Variants in MTIF2 observed in about 807,000 individuals in gnomAD.
The protein encoded by MTIF2 is translation initiation factor IF-2, mitochondrial.
In MTIF2, 71 loss-of-function variants were observed where a neutral mutation model predicts 83.5. The observed-to-expected ratio is 0.85, with a 90% CI of 0.70 to 1.04. MTIF2 has a LOEUF of 1.04. Among genes scored for constraint, MTIF2 ranks in the 50% least tolerant of loss-of-function variants. MTIF2 has a pLI of 0.00. For synonymous variants in MTIF2, 319 were observed against 287.1 expected (o/e 1.11, Z -1.12); for missense variants, 957 against 846.5 (o/e 1.13, Z -1.62).
chr2:55,254,285 G>A (rs1677343216), intron 6 of MTIF2, 84 bp from the exon 7 acceptor site: 11 of 1,441,780 alleles, frequency 7.6e-6, no homozygotes, highest in South Asian at 2.7e-5. Context: ...TTATCCCTGT[G>A]AACTACCATT....
At position 55,243,004 on chromosome 2, in the gene MTIF2, T is replaced by G. The variant is rs764975574; in HGVS notation, c.1641A>C (p.Glu547Asp). The G allele has an allele frequency of 5.6e-6, 9 of 1,613,164 alleles. No individual in the cohort carries two copies. The highest frequency in any genetic ancestry group is 5.9e-6 in the Non-Finnish European group (7 of 1,179,510). The change falls in exon 13 of 16, where the codon GAA becomes GAC. Residue 547 changes from glutamate to aspartate, a missense_variant. Coordinates refer to ENST00000263629, the MANE Select transcript of MTIF2 (RefSeq NM_002453.3). ...TYDASHECEL[E>D]LVHFGVGDVS... Reference sequence around the variant, plus strand: ...CATCACCCACTCCAAAATGTACTAATTCTAGTTCACACTCGTGTGAAGCAT... The same window carrying G: ...CATCACCCACTCCAAAATGTACTAAGTCTAGTTCACACTCGTGTGAAGCAT...
intron 8 of MTIF2, among the ~76,000 whole-genome samples, chr2:55,250,432 AAT>A (rs1677016653): frequency 6.6e-6 from 1 of 152,184 alleles, no homozygotes; most frequent in African/African-American, 2.4e-5. Context: ...AAAAAAAAAA[AAT>A]CATGGGAAGA....
chr2:55,251,110 CAAAAAAAAAA>C (rs57949152), intron 8 of MTIF2, among the ~76,000 whole-genome samples: 1 of 71,152 alleles, frequency 1.4e-5, no homozygotes, highest in Non-Finnish European at 2.7e-5. Context: ...AACTCCGTCT[CAAAAAAAAAA>C]AAAAAAAAAA....
rs542262782 is a variant in MTIF2, at chr2:55,240,845, A to G, written c.1706-670T>C. The stretch of plus-strand genomic sequence containing the variant: ...ACCAGGGCTAAAATACTATTCCTTC[A>G]TTTTAATAACAATTACATTATTAAA... On this transcript the variant is annotated intron_variant, in intron 13 of 15. Transcript: ENST00000263629. Among the ~76,000 whole-genome samples the G allele has an allele frequency of 3.9e-5, 6 of 152,348 alleles. No homozygotes were observed. In the South Asian group the frequency reaches 1.2e-3, roughly 32 times the overall value.
chr2:55,265,786 A>C (rs951961506), intron 3 of MTIF2, among the ~76,000 whole-genome samples: 12 of 152,198 alleles, frequency 7.9e-5, no homozygotes, highest in African/African-American at 2.9e-4. Context: ...AAACATTACT[A>C]ATCAGCCCTT....
intron 8 of MTIF2, 27 bp from the exon 9 acceptor site, chr2:55,249,561 G>GA (rs1252729772): frequency 1.7e-5 from 28 of 1,609,274 alleles, no homozygotes; most frequent in Non-Finnish European, 2.2e-5. Context: ...TAAAAAGAGT[G>GA]AAAATGATGA....
At chr2:55,253,569 C>G (rs1677267488) in intron 7 of MTIF2, among the ~76,000 whole-genome samples, 1 of 152,142 alleles carries the variant, frequency 6.6e-6, no homozygotes, top group African/African-American at 2.4e-5. Flanking sequence ...GTAATCCCAA[C>G]ACTTTGGGAG....
rs745618683 is a variant in MTIF2 at position 55,254,071 on chromosome 2, C to T, written c.634G>A (p.Gly212Ser). The T allele has an allele frequency of 1.2e-6, 2 of 1,614,050 alleles. No individual in the cohort carries two copies. Among genetic ancestry groups the T allele is most frequent in the Non-Finnish European group, 1.7e-6 (2 of 1,180,028 alleles). ...KTQVAAVETG[G>S]ITQHIGAFLV... is the part of the protein sequence containing the mutation. ...AAGGCACCAATGTGCTGAGTGATGC[C>T]TCCAGTTTCCACTGCTGCCACTTGA... The change falls in exon 7 of 16, where the codon GGC becomes AGC. Residue 212 changes from glycine (G) to serine (S), a missense_variant. Physicochemically the swap from Gly to Ser is moderately conservative, Grantham distance 56. This residue lies in a region of MTIF2 where 733 missense variants were observed against 648.7 expected (regional missense o/e 1.13). Transcript: ENST00000263629.
At chr2:55,265,244 GA>G (rs540213481) in intron 3 of MTIF2, among the ~76,000 whole-genome samples, 10,256 of 116,196 alleles carry the variant, frequency 0.088, 387 homozygotes, top group African/African-American at 0.1. Flanking sequence ...ACTCTGTCTT[GA>G]AAAAAAAAAA....
rs1368195174 is a variant in MTIF2, at chr2:55,252,526, T to TC, written c.791dup (p.Val265SerfsTer25). ...TAGATTCTACAGTTTGTTTCATCAC[T>TC]CCATCATCTGCAGCTACAACCAATA... On this transcript the variant is annotated frameshift_variant, in exon 8 of 16. Transcript: ENST00000263629. LOFTEE classifies it high-confidence loss of function. 1 of 1,614,162 alleles carries TC rather than the reference T, an allele frequency of 6.2e-7. No homozygotes were observed. The highest frequency in any genetic ancestry group is 2.2e-5 in the East Asian group (1 of 44,874).
intron 9 of MTIF2, among the ~76,000 whole-genome samples, chr2:55,248,378 A>T (rs1676853014): frequency 1.3e-5 from 2 of 152,212 alleles, no homozygotes; most frequent in Admixed American, 1.3e-4. Flanking sequence ...AGGAAAAGTA[A>T]AGATGAAGTG....
intron 13 of MTIF2, 45 bp from the exon 14 acceptor site, chr2:55,240,220 T>C: frequency 6.9e-7 from 1 of 1,442,924 alleles, no homozygotes; most frequent in Non-Finnish European, 9.5e-7. Context: ...AACGATTACA[T>C]TATAATCATT....
rs1048237855 is a variant in MTIF2 at position 55,243,275 on chromosome 2, T to A, written c.1564+141A>T. The A allele has an allele frequency of 6.5e-6, 7 of 1,077,556 alleles. No individual in the cohort carries two copies. The African/African-American group carries it at 8.0e-5, about 12-fold the overall frequency. 66.7% of individuals were successfully genotyped at this position (1,077,556 alleles called of 1,614,324 possible). A position where few individuals can be genotyped will look rare whatever the true frequency, so the allele number is the denominator to read the frequency against. ...AGCCAAACGTACATTTACAACAAAA[T>A]CAGCAAGAAATATGTTGACTAAGAA... is the stretch of plus-strand genomic sequence containing the variant. On this transcript the variant is annotated intron_variant, in intron 12 of 15. Coordinates refer to ENST00000263629, the MANE Select transcript of MTIF2 (RefSeq NM_002453.3).
chr2:55,263,867 TG>T lies in MTIF2; in HGVS notation c.-7-3del. 1 of 1,582,468 alleles carries T rather than the reference TG, an allele frequency of 6.3e-7. No homozygotes were observed. Among genetic ancestry groups the T allele is most frequent in the Non-Finnish European group, 8.6e-7 (1 of 1,166,674 alleles). On this transcript the variant is annotated splice_region_variant and splice_polypyrimidine_tract_variant and intron_variant, in intron 3 of 15. Coordinates refer to ENST00000263629, the MANE Select transcript of MTIF2 (RefSeq NM_002453.3). ...AGTAGCTTCTGGTTCATGTTTCTCC[TG>T]GGGAAAAAAAAAAGGTTTTAAAATA...
intron 5 of MTIF2, among the ~76,000 whole-genome samples, chr2:55,258,979 C>CA (rs542708825): frequency 4.7e-5 from 7 of 149,108 alleles, no homozygotes; most frequent in Non-Finnish European, 7.5e-5. Flanking sequence ...AAACTCTGTT[C>CA]AAAAAAAAAA....
At position 55,240,066 on chromosome 2, in the gene MTIF2, A is replaced by G. The variant is rs778159786; in HGVS notation, c.1815T>C (p.Asp605=). 5 of 1,613,556 alleles carry G rather than the reference A, an allele frequency of 3.1e-6. No individual in the cohort carries two copies. Among genetic ancestry groups the G allele is most frequent in the East Asian group, 4.5e-5 (2 of 44,872 alleles). Residue 605 remains aspartate (D), a synonymous_variant, in exon 14 of 16, where the codon GAT becomes GAC. Coordinates refer to ENST00000263629, the MANE Select transcript of MTIF2 (RefSeq NM_002453.3). ...LHKIIYRLVE[D]LQEELSSRLP... is the part of the protein sequence containing the mutation. ...ATCTGCTGCTCAGTTCCTCTTGCAAATCTTCAACAAGACGGTAAATTATTT... is the reference window on the plus strand; with the variant it reads ...ATCTGCTGCTCAGTTCCTCTTGCAAGTCTTCAACAAGACGGTAAATTATTT...
At chr2:55,246,084 A>G (rs1676676598) in intron 10 of MTIF2, among the ~76,000 whole-genome samples, 1 of 152,216 alleles carries the variant, frequency 6.6e-6, no homozygotes, top group Non-Finnish European at 1.5e-5. Flanking sequence ...AAAAAATAAA[A>G]CAAATTGAAC....
intron 5 of MTIF2, among the ~76,000 whole-genome samples, chr2:55,255,262 T>G (rs1677420289): frequency 6.6e-6 from 1 of 151,268 alleles, no homozygotes; most frequent in East Asian, 1.9e-4. Flanking sequence ...TAGCAAATAT[T>G]GAACCACTGT....
At chr2:55,255,002 TATG>T (rs1677399629) in intron 5 of MTIF2, among the ~76,000 whole-genome samples, 177 bp from the exon 6 acceptor site, 1 of 152,130 alleles carries the variant, frequency 6.6e-6, no homozygotes, top group Non-Finnish European at 1.5e-5. Context: ...TTATTTAAAA[TATG>T]ATACATTTCT....
Sources: gnomAD v4.1 joint callset for allele counts (sites outside exome capture counted in the v4.1 genomes callset) on GRCh38, gnomAD v4.1.1 for gene constraint, gnomAD v4.1.1 regional missense constraint, MANE v1.5 for transcripts, NCBI Gene and HGNC (gene_info 2026-07-23, HGNC 2026-07-21) for gene names.